Variants in UBE2E2 observed in about 807,000 individuals in gnomAD.
UBE2E2 encodes the protein ubiquitin-conjugating enzyme E2 E2.
Under a neutral mutation model 24.7 loss-of-function variants are expected in UBE2E2, and 6 were observed. The ratio of observed to expected loss-of-function variants is 0.24; its 90% CI spans 0.13 to 0.48. UBE2E2 has a LOEUF of 0.48. UBE2E2 is among the 20% of genes least tolerant of loss of function. The pLI, the probability that UBE2E2 is intolerant of heterozygous loss-of-function variation, is 0.99. For synonymous variants in UBE2E2, 104 were observed against 83.6 expected, an observed-to-expected ratio of 1.24 and a Z score of -1.33; for missense variants, 169 against 245.0, an observed-to-expected ratio of 0.69 and a Z score of 2.07.
intron 3 of UBE2E2, among the ~76,000 whole-genome samples, chr3:23,259,122 A>T (rs1014341404): frequency 3.9e-5 from 6 of 152,150 alleles, no homozygotes; most frequent in Non-Finnish European, 7.3e-5. Context: ...AGGGTATGGA[A>T]AAGTGTGGAA....
intron 5 of UBE2E2, among the ~76,000 whole-genome samples, chr3:23,557,641 G>A (rs1695823935): frequency 6.6e-6 from 1 of 152,138 alleles, no homozygotes; most frequent in South Asian, 2.1e-4. Context: ...GGCTCTGTCA[G>A]GAATATTATT....
chr3:23,486,186 T>C (rs914562339), intron 3 of UBE2E2, among the ~76,000 whole-genome samples: 1 of 152,190 alleles, frequency 6.6e-6, no homozygotes, highest in Non-Finnish European at 1.5e-5. Context: ...CTGCCCACTG[T>C]GCACAGCCAG....
chr3:23,450,455 T>C (rs76922186), intron 3 of UBE2E2, among the ~76,000 whole-genome samples: 4,399 of 152,328 alleles, frequency 0.029, 108 homozygotes, highest in East Asian at 0.13. Flanking sequence ...TTTAATGCTG[T>C]GTGCCTCTTT....
At chr3:23,311,410 T>G (rs1385421898) in intron 3 of UBE2E2, among the ~76,000 whole-genome samples, 1 of 152,196 alleles carries the variant, frequency 6.6e-6, no homozygotes, top group Admixed American at 6.5e-5. Flanking sequence ...CTGGGTCAAA[T>G]GGTATTTCCA....
At chr3:23,252,838 G>A (rs1227251052) in intron 3 of UBE2E2, among the ~76,000 whole-genome samples, 1 of 152,180 alleles carries the variant, frequency 6.6e-6, no homozygotes, top group Non-Finnish European at 1.5e-5. Flanking sequence ...CCCCGCAGTA[G>A]AAAGAACACA....
At chr3:23,313,252 T>C (rs1307948952) in intron 3 of UBE2E2, among the ~76,000 whole-genome samples, 1 of 152,210 alleles carries the variant, frequency 6.6e-6, no homozygotes, top group Admixed American at 6.5e-5. Context: ...AAATCTGTTT[T>C]GTCTGATTAT....
In UBE2E2 at chr3:23,591,168, C is replaced by T. The variant is rs1480685369; in HGVS notation, c.*1337C>T. The T allele has an allele frequency of 6.6e-6, 1 of 152,164 alleles. No individual in the cohort carries two copies. The highest frequency in any genetic ancestry group is 1.9e-4 in the East Asian group (1 of 5,190). 9.4% of individuals were successfully genotyped at this position (152,164 alleles called of 1,614,324 possible). On this transcript the variant is annotated 3_prime_UTR_variant, in exon 6 of 6. Coordinates refer to ENST00000396703, the MANE Select transcript of UBE2E2 (RefSeq NM_152653.4). ...TGGTGTAGTTTCTAAAACACGCTGA[C>T]TTGCTGATTGATAATTCAGGGTTAT...
chr3:23,345,636 A>G (rs1259964381), intron 3 of UBE2E2, among the ~76,000 whole-genome samples: 1 of 152,238 alleles, frequency 6.6e-6, no homozygotes, highest in Non-Finnish European at 1.5e-5. Flanking sequence ...AGAGTAAGTC[A>G]CTGATATTGA....
chr3:23,314,101 G>C (rs937241446), intron 3 of UBE2E2, among the ~76,000 whole-genome samples: 4 of 152,052 alleles, frequency 2.6e-5, no homozygotes, highest in Non-Finnish European at 4.4e-5. Flanking sequence ...TTGTTGTACT[G>C]TCTATGTCTT....
At chr3:23,392,616 G>T (rs766164386) in intron 3 of UBE2E2, among the ~76,000 whole-genome samples, 2 of 152,110 alleles carry the variant, frequency 1.3e-5, no homozygotes, top group Non-Finnish European at 2.9e-5. Context: ...ACAGAATATT[G>T]CATGGTCTAA....
At chr3:23,262,412 G>T (rs1416496570) in intron 3 of UBE2E2, among the ~76,000 whole-genome samples, 2 of 151,958 alleles carry the variant, frequency 1.3e-5, no homozygotes, top group African/African-American at 4.8e-5. Flanking sequence ...CAAGTAGTTA[G>T]GACTACAGGT....
chr3:23,272,405 G>A (rs1698268768), intron 3 of UBE2E2, among the ~76,000 whole-genome samples: 1 of 149,160 alleles, frequency 6.7e-6, no homozygotes, highest in South Asian at 2.3e-4. Flanking sequence ...CTCCCCGCAA[G>A]CAGAGGGGGC....
intron 3 of UBE2E2, among the ~76,000 whole-genome samples, chr3:23,360,283 C>G (rs114887089): frequency 8.5e-5 from 13 of 152,128 alleles, no homozygotes; most frequent in African/African-American, 3.1e-4. Flanking sequence ...TAGAAAAATT[C>G]GTTTTAAAAA....
At chr3:23,210,861 G>A (rs1249312452) in intron 2 of UBE2E2, among the ~76,000 whole-genome samples, 2 of 152,196 alleles carry the variant, frequency 1.3e-5, no homozygotes, top group Admixed American at 6.5e-5. Context: ...GTTGGTTTTC[G>A]GGTGACAGTG....
intron 5 of UBE2E2, among the ~76,000 whole-genome samples, chr3:23,555,147 C>G (rs1294985915): frequency 6.6e-6 from 1 of 152,224 alleles, no homozygotes; most frequent in South Asian, 2.1e-4. Context: ...GAACTCCCGA[C>G]CTCATGTGAT....
chr3:23,467,817 G>T (rs889232452), intron 3 of UBE2E2, among the ~76,000 whole-genome samples: 2 of 152,086 alleles, frequency 1.3e-5, no homozygotes, highest in African/African-American at 2.4e-5. Flanking sequence ...TCTGCTTCTG[G>T]GGAGGCCTCA....
intron 3 of UBE2E2, among the ~76,000 whole-genome samples, chr3:23,272,213 G>A (rs1698262754): frequency 6.6e-6 from 1 of 152,202 alleles, no homozygotes; most frequent in African/African-American, 2.4e-5. Flanking sequence ...GTGTGGCACG[G>A]GCAGTCTGGC....
At chr3:23,277,263 C>T (rs2125368511) in intron 3 of UBE2E2, among the ~76,000 whole-genome samples, 1 of 152,228 alleles carries the variant, frequency 6.6e-6, no homozygotes, top group Admixed American at 6.5e-5. Flanking sequence ...ACATATAAAG[C>T]TATTGTGTTC....
At chr3:23,556,784 C>T (rs950454965) in intron 5 of UBE2E2, among the ~76,000 whole-genome samples, 2 of 152,142 alleles carry the variant, frequency 1.3e-5, no homozygotes, top group Non-Finnish European at 2.9e-5. Context: ...TAAATTAACT[C>T]ATAATAATCT....
Sources: gnomAD v4.1 joint callset for allele counts (sites outside exome capture counted in the v4.1 genomes callset) on GRCh38, gnomAD v4.1.1 for gene constraint, MANE v1.5 for transcripts, NCBI Gene and HGNC (gene_info 2026-07-23, HGNC 2026-07-21) for gene names.